RAD18: variants seen among roughly 807,000 people sequenced by gnomAD.
RAD18 encodes E3 ubiquitin-protein ligase RAD18.
RAD18 carries 47 observed loss-of-function variants against 60.4 expected under a neutral mutation model. That is an observed-to-expected ratio of 0.78 (90% CI 0.62 to 0.99). The LOEUF (loss-of-function observed/expected upper bound fraction) is 0.99. RAD18 is among the 50% of genes least tolerant of loss of function. The probability of loss-of-function intolerance (pLI) is 0.00; values close to 1 mark genes in which losing one functional copy is unlikely to be tolerated. For synonymous variants in RAD18, 225 were observed against 195.5 expected (o/e 1.15, Z -1.26); for missense variants, 640 against 593.3 (o/e 1.08, Z -0.82).
rs374173359 is a variant in RAD18 at position 8,958,955 on chromosome 3, T to C, written c.98A>G (p.Asn33Ser). The C allele has an allele frequency of 2.4e-5, 38 of 1,613,940 alleles. No homozygotes were observed. The East Asian group carries it at 4.5e-4, about 19-fold the overall frequency. The change falls in exon 2 of 13, where the codon AAC (asparagine) becomes AGC (serine). Residue 33 changes from asparagine (N) to serine (S), a missense_variant. Asn to Ser is a conservative substitution (Grantham distance 46, BLOSUM62 1). Coordinates refer to ENST00000264926, the MANE Select transcript of RAD18 (RefSeq NM_020165.4). ...LRCGICFEYF[N>S]IAMIIPQCSH... ...ACACTGAGGTATTATCATTGCAATG[T>C]TGAAATACTCGAAGCAAATTCCACA...
At chr3:8,913,098 GACTATTTT>G (rs1940131018) in intron 8 of RAD18, among the ~76,000 whole-genome samples, 1 of 152,120 alleles carries the variant, frequency 6.6e-6, no homozygotes. Flanking sequence ...AGGACACAAT[GACTATTTT>G]CTTCACTGGT....
At chr3:8,937,915 T>A (rs927506912) in intron 6 of RAD18, among the ~76,000 whole-genome samples, 2 of 152,010 alleles carry the variant, frequency 1.3e-5, no homozygotes, top group African/African-American at 4.8e-5. Flanking sequence ...CATGGACGAG[T>A]ATGTCTTCAA....
chr3:8,889,650 A>C (rs1008518029), intron 12 of RAD18, among the ~76,000 whole-genome samples: 1 of 152,182 alleles, frequency 6.6e-6, no homozygotes, highest in African/African-American at 2.4e-5. Flanking sequence ...AGAGCTTTTC[A>C]TGCAGGAGGA....
chr3:8,880,856 G>A lies in RAD18; in HGVS notation c.*501C>T, dbSNP rs1332793181. ...CCATCATGGAGCTGCTGTAACACAG[G>A]CATGGTGGTGGCGTGCATCGGTACT... On this transcript the variant is annotated 3_prime_UTR_variant, in exon 13 of 13. Transcript: ENST00000264926. 1 of 153,106 alleles carries A rather than the reference G, an allele frequency of 6.5e-6. No individual in the cohort carries two copies. The highest frequency in any genetic ancestry group is 1.5e-5 in the Non-Finnish European group (1 of 68,734). 9.5% of individuals were successfully genotyped at this position (153,106 alleles called of 1,614,324 possible). A position where few individuals can be genotyped will look rare whatever the true frequency, so the allele number is the denominator to read the frequency against.
intron 9 of RAD18, among the ~76,000 whole-genome samples, chr3:8,907,103 T>G (rs1940021657): frequency 6.6e-6 from 1 of 152,228 alleles, no homozygotes; most frequent in East Asian, 1.9e-4. Context: ...GTTCCTCTGA[T>G]CTCTCAGCTC....
chr3:8,887,814 T>C (rs1313792179), intron 12 of RAD18, among the ~76,000 whole-genome samples: 1 of 152,182 alleles, frequency 6.6e-6, no homozygotes, highest in Non-Finnish European at 1.5e-5. Context: ...ATAGCCTTTC[T>C]AGCTGGGGAG....
At chr3:8,896,859 T>C (rs1465277192) in intron 11 of RAD18, among the ~76,000 whole-genome samples, 1 of 152,020 alleles carries the variant, frequency 6.6e-6, no homozygotes, top group African/African-American at 2.4e-5. Flanking sequence ...AACATTGTAT[T>C]AAAGATAGAA....
At chr3:8,909,411 T>C (rs180883293) in intron 9 of RAD18, among the ~76,000 whole-genome samples, 5 of 151,796 alleles carry the variant, frequency 3.3e-5, no homozygotes, top group African/African-American at 9.7e-5. Context: ...CAAGAGTAGA[T>C]GGGGGATGAC....
At chr3:8,941,160 A>G (rs1574822510) in intron 5 of RAD18, among the ~76,000 whole-genome samples, 1 of 152,346 alleles carries the variant, frequency 6.6e-6, no homozygotes, top group East Asian at 1.9e-4. Context: ...GAGCTTTTCA[A>G]GATTAAATGG....
chr3:8,942,893 C>T (rs968571020), intron 4 of RAD18, among the ~76,000 whole-genome samples: 1 of 152,290 alleles, frequency 6.6e-6, no homozygotes, highest in Non-Finnish European at 1.5e-5. Flanking sequence ...AAATCCCAAA[C>T]GTCAGTGCTG....
chr3:8,906,669 C>T (rs1383955973), intron 9 of RAD18, among the ~76,000 whole-genome samples: 7 of 150,844 alleles, frequency 4.6e-5, no homozygotes, highest in Non-Finnish European at 8.8e-5. Context: ...ATCTGAAAAA[C>T]CATTCAACAT....
intron 2 of RAD18, among the ~76,000 whole-genome samples, chr3:8,950,946 T>C (rs771157970): frequency 4.6e-5 from 7 of 151,554 alleles, no homozygotes; most frequent in East Asian, 1.9e-4. Context: ...GACATGTCAA[T>C]GGAAACCTCC....
intron 2 of RAD18, among the ~76,000 whole-genome samples, chr3:8,957,026 G>A (rs921972264): frequency 5.3e-5 from 8 of 152,116 alleles, no homozygotes; most frequent in Non-Finnish European, 1.2e-4. Context: ...ATCCACAAAT[G>A]ACATGATTGT....
intron 12 of RAD18, among the ~76,000 whole-genome samples, chr3:8,885,823 C>T (rs1190519537): frequency 2.6e-5 from 4 of 152,202 alleles, no homozygotes; most frequent in African/African-American, 9.6e-5. Context: ...GGAGACTTAA[C>T]ATTTAAATAT....
intron 4 of RAD18, among the ~76,000 whole-genome samples, chr3:8,942,245 G>T (rs538136853): frequency 1.3e-5 from 2 of 152,156 alleles, no homozygotes; most frequent in South Asian, 4.1e-4. Context: ...TGCTGTCCTT[G>T]TAACAGTGAG....
intron 3 of RAD18, 54 bp downstream of exon 3, chr3:8,948,455 G>T: frequency 1.4e-6 from 2 of 1,477,994 alleles, no homozygotes; most frequent in Non-Finnish European, 1.9e-6. Flanking sequence ...TATACACAAA[G>T]CAGAAATATT....
intron 5 of RAD18, among the ~76,000 whole-genome samples, chr3:8,941,183 T>G (rs1940740923): frequency 6.6e-6 from 1 of 152,182 alleles, no homozygotes; most frequent in Admixed American, 6.5e-5. Context: ...ACTGATATGT[T>G]GAATGAGGGG....
At chr3:8,928,545 G>A (rs1358258359) in intron 7 of RAD18, among the ~76,000 whole-genome samples, 1 of 151,978 alleles carries the variant, frequency 6.6e-6, no homozygotes, top group Non-Finnish European at 1.5e-5. Context: ...CAGAGACAAA[G>A]ACATATATGC....
chr3:8,913,715 CA>C lies in RAD18; in HGVS notation c.894del (p.Glu299LysfsTer2), dbSNP rs1432145620. The C allele has an allele frequency of 2.6e-6, 4 of 1,551,308 alleles. No individual in the cohort carries two copies. Among genetic ancestry groups the C allele is most frequent in the Non-Finnish European group, 3.5e-6 (4 of 1,139,766 alleles). ...ATATTTTCGATTTCTCGAACTATTT[CA>C]GCAGCTGTTAAAATAAGAAAATAAC... is the stretch of plus-strand genomic sequence containing the variant. ...QCDALHPKSA[A>X]EIVREIENIE... is the part of the protein sequence containing the mutation. On this transcript the variant is annotated frameshift_variant, in exon 8 of 13. Coordinates refer to ENST00000264926, the MANE Select transcript of RAD18 (RefSeq NM_020165.4). LOFTEE classifies it high-confidence loss of function.
Sources: allele counts gnomAD v4.1 joint callset (sites outside exome capture counted in the v4.1 genomes callset), GRCh38; gene constraint gnomAD v4.1.1; transcripts MANE v1.5; gene names NCBI Gene and HGNC (gene_info 2026-07-23, HGNC 2026-07-21).